Variants in CNTNAP4 observed in about 807,000 individuals in gnomAD.
CNTNAP4 encodes the protein contactin associated protein family member 4.
CNTNAP4 carries 98 observed loss-of-function variants against 148.4 expected under a neutral mutation model. That is an observed-to-expected ratio of 0.66 (90% CI 0.56 to 0.78). The LOEUF (loss-of-function observed/expected upper bound fraction) is 0.78. Among genes scored for constraint, CNTNAP4 ranks in the 30% least tolerant of loss-of-function variants. The pLI is 0.00. For missense variants in CNTNAP4, 1,935 were observed against 1,565.6 expected (o/e 1.24, Z -3.98); for synonymous variants, 730 against 565.1 (o/e 1.29, Z -4.14).
At chr16:76,518,866 C>A (rs2083351855) in intron 15 of CNTNAP4, among the ~76,000 whole-genome samples, 1 of 152,104 alleles carries the variant, frequency 6.6e-6, no homozygotes, top group Admixed American at 6.6e-5. Context: ...CCATTTCCTG[C>A]CTCTGGTTAC....
intron 15 of CNTNAP4, among the ~76,000 whole-genome samples, chr16:76,502,581 C>A (rs1440678011): frequency 6.6e-6 from 1 of 152,056 alleles, no homozygotes; most frequent in Non-Finnish European, 1.5e-5. Context: ...AGTTATAAAT[C>A]TAAAGATCAG....
At chr16:76,512,242 C>T (rs1023065744) in intron 15 of CNTNAP4, among the ~76,000 whole-genome samples, 3 of 152,042 alleles carry the variant, frequency 2.0e-5, no homozygotes, top group Admixed American at 6.6e-5. Flanking sequence ...AATTGGAGAA[C>T]ATTAGAGACT....
chr16:76,318,147 C>T (rs916623432), intron 2 of CNTNAP4, among the ~76,000 whole-genome samples: 2 of 152,152 alleles, frequency 1.3e-5, no homozygotes, highest in African/African-American at 2.4e-5. Context: ...TATTGCAATG[C>T]TAATCCTAGA....
chr16:76,325,593 A>G lies in CNTNAP4; in HGVS notation c.196+9070A>G, dbSNP rs1362119250. Among the ~76,000 whole-genome samples, 3 of 152,212 alleles carry G rather than the reference A, an allele frequency of 2.0e-5. No homozygotes were observed. In the East Asian group the frequency reaches 5.8e-4, roughly 29 times the overall value. On this transcript the variant is annotated intron_variant, in intron 2 of 23. Transcript: ENST00000611870. ...GAGAAAACATTTTAACTGAATGATA[A>G]GAAAATACTGCAAATCAGAATTGTG...
intron 23 of CNTNAP4, among the ~76,000 whole-genome samples, chr16:76,555,612 G>A (rs2085165624): frequency 6.6e-6 from 1 of 152,192 alleles, no homozygotes. Flanking sequence ...TAGTCATCAA[G>A]CCAATGCTAG....
At chr16:76,474,501 T>C (rs2081491789) in intron 10 of CNTNAP4, among the ~76,000 whole-genome samples, 1 of 152,142 alleles carries the variant, frequency 6.6e-6, no homozygotes, top group Non-Finnish European at 1.5e-5. Context: ...TCAGATAAAA[T>C]TGGAAAAATT....
intron 3 of CNTNAP4, among the ~76,000 whole-genome samples, chr16:76,364,989 A>G (rs1211524181): frequency 6.6e-6 from 1 of 152,100 alleles, no homozygotes; most frequent in East Asian, 1.9e-4. Context: ...GTTTTCTTCT[A>G]GGGTTTTTAT....
intron 3 of CNTNAP4, among the ~76,000 whole-genome samples, chr16:76,397,944 ACATATAT>A (rs2078264025): frequency 1.9e-3 from 1 of 536 alleles, no homozygotes; most frequent in Non-Finnish European, 7.8e-3. Flanking sequence ...TAGATTATAT[ACATATAT>A]ATATATATAT....
At chr16:76,445,603 G>C (rs1470591526) in intron 4 of CNTNAP4, among the ~76,000 whole-genome samples, 2 of 152,026 alleles carry the variant, frequency 1.3e-5, no homozygotes, top group Non-Finnish European at 2.9e-5. Flanking sequence ...ATGCCATTTT[G>C]CTGATTGAAA....
At position 76,373,410 on chromosome 16, in the gene CNTNAP4, T is replaced by A. The variant is rs78116373; in HGVS notation, c.390+17899T>A. Among the ~76,000 whole-genome samples, 212 of 152,316 alleles carry A rather than the reference T, an allele frequency of 1.4e-3. 1 individual carries two copies. The highest frequency in any genetic ancestry group is 4.8e-3 in the African/African-American group (198 of 41,574). On this transcript the variant is annotated intron_variant, in intron 3 of 23. Coordinates refer to ENST00000611870, the MANE Select transcript of CNTNAP4 (RefSeq NM_033401.5). ...TAGCTTTATCTATCCATATTCCCAATTGCCTTTATAAGTCATACCTCTAAA... is the reference window on the plus strand; with the variant it reads ...TAGCTTTATCTATCCATATTCCCAAATGCCTTTATAAGTCATACCTCTAAA...
In CNTNAP4 at chr16:76,522,117, A is replaced by G. The variant is rs767537635; in HGVS notation, c.2615A>G (p.Asn872Ser). The change falls in exon 17 of 24, where the codon AAC (asparagine) becomes AGC (serine). Residue 872 changes from asparagine (N) to serine (S), a missense_variant. Transcript: ENST00000611870. ...TCAGTGCAGTCACCCACCCACTTCA[A>G]CGACAACCAGTGGCACCATGTGAGG... ...EISVQSPTHF[N>S]DNQWHHVRVE... 8 of 1,613,852 alleles carry G rather than the reference A, an allele frequency of 5.0e-6. No individual in the cohort carries two copies. The highest frequency in any genetic ancestry group is 3.3e-5 in the South Asian group (3 of 91,078).
At chr16:76,384,931 A>T (rs551886034) in intron 3 of CNTNAP4, among the ~76,000 whole-genome samples, 6 of 152,320 alleles carry the variant, frequency 3.9e-5, no homozygotes, top group African/African-American at 1.4e-4. Context: ...GAAGTATTTA[A>T]ATTTTTTAAA....
At chr16:76,522,728 TTTC>T (rs1345049339) in intron 17 of CNTNAP4, among the ~76,000 whole-genome samples, 2 of 88,766 alleles carry the variant, frequency 2.3e-5, no homozygotes, top group African/African-American at 1.0e-4. Flanking sequence ...TTTCTTTTCT[TTTC>T]TTTTCTTTTC....
At chr16:76,425,030 C>G (rs1211676015) in intron 3 of CNTNAP4, among the ~76,000 whole-genome samples, 1 of 152,118 alleles carries the variant, frequency 6.6e-6, no homozygotes, top group African/African-American at 2.4e-5. Context: ...TAGAAAACAG[C>G]TAACCTTTCT....
At chr16:76,427,426 A>G (rs1397486623) in intron 3 of CNTNAP4, 26 bp from the exon 4 acceptor site, 1 of 1,591,294 alleles carries the variant, frequency 6.3e-7, no homozygotes, top group African/African-American at 1.4e-5. Flanking sequence ...AGATACATTG[A>G]TGTGCTTCTT....
In CNTNAP4 at chr16:76,560,364, T is replaced by A. The variant is rs539879672; in HGVS notation, c.*1681T>A. Among the ~76,000 whole-genome samples, 18 of 152,312 alleles carry A rather than the reference T, an allele frequency of 1.2e-4. No homozygotes were observed. Among genetic ancestry groups the A allele is most frequent in the African/African-American group, 3.4e-4 (14 of 41,560 alleles). On this transcript the variant is annotated 3_prime_UTR_variant, in exon 24 of 24. Coordinates refer to ENST00000611870, the MANE Select transcript of CNTNAP4 (RefSeq NM_033401.5). ...GTTTCTGCAAATGCCTGACTAAATC[T>A]TAAGAACCTGAATTAACATAGTAGT...
chr16:76,471,445 C>G (rs1447813132), intron 10 of CNTNAP4, among the ~76,000 whole-genome samples: 2 of 152,192 alleles, frequency 1.3e-5, no homozygotes, highest in African/African-American at 4.8e-5. Context: ...GTGACAACGT[C>G]AACCTTGTGA....
At chr16:76,512,421 AGGAAAACCAGTAAAATTT>A (rs1474914860) in intron 15 of CNTNAP4, among the ~76,000 whole-genome samples, 4 of 152,160 alleles carry the variant, frequency 2.6e-5, no homozygotes, top group Non-Finnish European at 5.9e-5. Context: ...TAGAGTTGAA[AGGAAAACCAGTAAAATTT>A]CCTGATGAAT....
At chr16:76,482,011 T>TTA (rs1894311237) in intron 12 of CNTNAP4, among the ~76,000 whole-genome samples, 1 of 31,140 alleles carries the variant, frequency 3.2e-5, no homozygotes, top group South Asian at 6.7e-4. Context: ...ATTTTTTTAT[T>TTA]TTTTTTTTTA....
Sources: allele counts gnomAD v4.1 joint callset (sites outside exome capture counted in the v4.1 genomes callset), GRCh38; gene constraint gnomAD v4.1.1; transcripts MANE v1.5; gene names NCBI Gene and HGNC (gene_info 2026-07-23, HGNC 2026-07-21).